PLAA: variants seen among roughly 807,000 people sequenced by gnomAD.
PLAA encodes phospholipase A-2-activating protein.
In PLAA, 48 loss-of-function variants were observed where a neutral mutation model predicts 84.1. The ratio of observed to expected loss-of-function variants is 0.57; its 90% CI spans 0.45 to 0.73. The LOEUF (loss-of-function observed/expected upper bound fraction) is 0.73, where lower values mean the gene tolerates loss of function less well. PLAA is among the 30% of genes least tolerant of loss of function. The pLI is 0.00. For synonymous variants in PLAA, 392 were observed against 336.6 expected (o/e 1.16, Z -1.80); for missense variants, 903 against 954.7 (o/e 0.95, Z 0.71).
rs1225925866 is a variant in PLAA, at chr9:26,938,262, C to A, written c.150-3056G>T. 2.0e-5 allele frequency among the ~76,000 whole-genome samples: 3 copies of A among 152,186 alleles called. No homozygotes were observed. The East Asian group carries it at 5.8e-4, about 29-fold the overall frequency. On this transcript the variant is annotated intron_variant, in intron 1 of 13. Transcript: ENST00000397292. Reference sequence around the variant, plus strand: ...GTAGCACACACCTGTAGTCCCAGCACCTCAGGAGACTGAGATAGGAGAACC... The same window carrying A: ...GTAGCACACACCTGTAGTCCCAGCAACTCAGGAGACTGAGATAGGAGAACC...
In PLAA at chr9:26,905,941, G is replaced by A; in HGVS notation, c.1958C>T (p.Pro653Leu). Residue 653 changes from proline (P) to leucine (L), a missense_variant, in exon 14 of 14, where the codon CCA becomes CTA. Coordinates refer to ENST00000397292, the MANE Select transcript of PLAA (RefSeq NM_001031689.3). The stretch of plus-strand genomic sequence containing the variant: ...CCTGAGAGCAAGCAGCTGGTTTGCT[G>A]GCTTTCCTTTAGGGTTCAGAAGATT... ...LINLLNPKGK[P>L]ANQLLALRTF... 1 of 1,614,136 alleles carries A rather than the reference G, an allele frequency of 6.2e-7. No homozygotes were observed. The highest frequency in any genetic ancestry group is 1.3e-5 in the African/African-American group (1 of 75,028).
At chr9:26,938,877 G>A (rs1825438418) in intron 1 of PLAA, among the ~76,000 whole-genome samples, 1 of 152,100 alleles carries the variant, frequency 6.6e-6, no homozygotes, top group South Asian at 2.1e-4. Context: ...ATTACTTTAT[G>A]TTTTTAGGAC....
At chr9:26,936,673 G>C (rs1367380709) in intron 1 of PLAA, among the ~76,000 whole-genome samples, 1 of 152,010 alleles carries the variant, frequency 6.6e-6, no homozygotes, top group Non-Finnish European at 1.5e-5. Context: ...TAGGAACTAG[G>C]GTTGGCAAAA....
intron 1 of PLAA, 141 bp downstream of exon 1, chr9:26,946,756 C>A: frequency 9.9e-7 from 1 of 1,008,992 alleles, no homozygotes; most frequent in Non-Finnish European, 1.4e-6. Context: ...TTCTAATAGT[C>A]TGAGAATTGG....
intron 2 of PLAA, among the ~76,000 whole-genome samples, chr9:26,933,485 A>C (rs933641901): frequency 1.3e-5 from 2 of 151,962 alleles, no homozygotes; most frequent in East Asian, 1.9e-4. Context: ...AAAATAATTT[A>C]AAATAAAAAA....
intron 1 of PLAA, among the ~76,000 whole-genome samples, chr9:26,939,831 G>T (rs1825475642): frequency 6.6e-6 from 1 of 152,040 alleles, no homozygotes; most frequent in Non-Finnish European, 1.5e-5. Flanking sequence ...TTAATAAAAA[G>T]TTCGGTACAG....
rs1403326752 is a variant in PLAA at position 26,926,428 on chromosome 9, T to G, written c.698A>C (p.Tyr233Ser). 6.2e-7 allele frequency: 1 copy of G among 1,608,806 alleles called. No homozygotes were observed. The highest frequency in any genetic ancestry group is 8.5e-7 in the Non-Finnish European group (1 of 1,175,542). Residue 233 changes from tyrosine (Y) to serine (S), a missense_variant, in exon 5 of 14, where the codon TAT becomes TCT. By Grantham distance (144) the Tyr-to-Ser change is moderately radical. Transcript: ENST00000397292. ...CLEVYYGHTN[Y>S]IYSISVFPNC... Reference sequence around the variant, plus strand: ...TGGAAAAACGGATATGCTATAAATATAATTTGTATGTCCATAATATACTTC... The same window carrying G: ...TGGAAAAACGGATATGCTATAAATAGAATTTGTATGTCCATAATATACTTC...
chr9:26,903,776 C>T lies in PLAA; in HGVS notation c.*1735G>A, dbSNP rs1256950527. 6.6e-6 allele frequency among the ~76,000 whole-genome samples: 1 copy of T among 152,162 alleles called. No homozygotes were observed. Among genetic ancestry groups the T allele is most frequent in the South Asian group, 2.1e-4 (1 of 4,834 alleles). ...AAATAGTAAAGTTGACATAAAAAAA[C>T]TTGCACAGTAATAGGAAGCAGTGTT... On this transcript the variant is annotated 3_prime_UTR_variant, in exon 14 of 14. Transcript: ENST00000397292.
chr9:26,939,318 G>T (rs1280545598), intron 1 of PLAA, among the ~76,000 whole-genome samples: 1 of 151,870 alleles, frequency 6.6e-6, no homozygotes, highest in Non-Finnish European at 1.5e-5. Flanking sequence ...AACCCAAGAG[G>T]TGGAGCTTGC....
chr9:26,918,298 T>G (rs1322057805), intron 9 of PLAA, among the ~76,000 whole-genome samples: 1 of 149,294 alleles, frequency 6.7e-6, no homozygotes, highest in Admixed American at 6.7e-5. Flanking sequence ...ATTTTTTTTT[T>G]TTTTTTTTTT....
intron 1 of PLAA, among the ~76,000 whole-genome samples, chr9:26,939,387 CAAA>C (rs1336869072): frequency 1.5e-5 from 2 of 131,402 alleles, no homozygotes; most frequent in Non-Finnish European, 3.2e-5. Context: ...AACTCCGTCT[CAAA>C]AAAAGATAAA....
chr9:26,915,830 A>T (rs545473374), intron 10 of PLAA: 3 of 985,162 alleles, frequency 3.0e-6, no homozygotes, highest in African/African-American at 3.5e-5. Context: ...TTGAAGCTTG[A>T]TATGTTCTTT....
intron 12 of PLAA, among the ~76,000 whole-genome samples, 199 bp from the exon 13 acceptor site, chr9:26,908,197 C>T (rs149496136): frequency 0.067 from 9,793 of 146,308 alleles, 461 homozygotes; most frequent in African/African-American, 0.13. Flanking sequence ...AGATGGAGTC[C>T]TGCTCAGTCG....
chr9:26,908,999 A>G (rs1204587384), intron 12 of PLAA, among the ~76,000 whole-genome samples: 1 of 152,236 alleles, frequency 6.6e-6, no homozygotes, highest in Non-Finnish European at 1.5e-5. Context: ...TTAAAAATTT[A>G]TTTAATGGAC....
chr9:26,943,970 A>G (rs1825615422), intron 1 of PLAA, among the ~76,000 whole-genome samples: 1 of 152,094 alleles, frequency 6.6e-6, no homozygotes, highest in East Asian at 1.9e-4. Context: ...ACAAAATCAC[A>G]CAAATATTCT....
Position 26,910,358 on chromosome 9 carries a change from G to A in PLAA, c.1637C>T (p.Ala546Val), listed in dbSNP as rs879385454. ...CTTACCTAATATTTGTGTAGGGTTT[G>A]CTTGGTCAAATGTGACAGCCTCTTT... ...PKKEAVTFDQ[A>V]NPTQILGKLK... Residue 546 changes from alanine (A) to valine (V), a missense_variant, in exon 12 of 14, where the codon GCA (alanine) becomes GTA (valine). Transcript: ENST00000397292. 6.2e-7 allele frequency: 1 copy of A among 1,611,234 alleles called. No individual in the cohort carries two copies. The highest frequency in any genetic ancestry group is 8.5e-7 in the Non-Finnish European group (1 of 1,177,654).
chr9:26,912,678 T>G (rs145436373), intron 11 of PLAA, among the ~76,000 whole-genome samples: 2 of 152,164 alleles, frequency 1.3e-5, no homozygotes, highest in African/African-American at 4.8e-5. Context: ...TAAAAAGTTA[T>G]TTACATAAAT....
At chr9:26,920,670 C>T (rs1460873774) in intron 7 of PLAA, among the ~76,000 whole-genome samples, 3 of 152,168 alleles carry the variant, frequency 2.0e-5, no homozygotes, top group Non-Finnish European at 4.4e-5. Context: ...CTTCCTAACA[C>T]ATTTCATTCC....
At chr9:26,920,481 G>A in intron 7 of PLAA, 97 bp from the exon 8 acceptor site, 1 of 678,496 alleles carries the variant, frequency 1.5e-6, no homozygotes, top group Non-Finnish European at 2.3e-6. Context: ...TTACACATAA[G>A]AGAATATGGA....
Sources: allele counts gnomAD v4.1 joint callset (sites outside exome capture counted in the v4.1 genomes callset), GRCh38; gene constraint gnomAD v4.1.1; transcripts MANE v1.5; gene names NCBI Gene and HGNC (gene_info 2026-07-23, HGNC 2026-07-21).